Variants in REDIC1 observed in about 807,000 individuals in gnomAD.
REDIC1 encodes regulator of DNA class I crossover intermediates 1.
chr12:39,765,935 T>A, the REDIC1 span, among the ~76,000 whole-genome samples: 1 of 152,216 alleles, frequency 6.6e-6, no homozygotes, highest in South Asian at 2.1e-4. Context: ...TGTCCATGTG[T>A]TCTCATTGTT....
At chr12:39,712,167 T>C in the REDIC1 span, among the ~76,000 whole-genome samples, 4 of 143,860 alleles carry the variant, frequency 2.8e-5, no homozygotes, top group Non-Finnish European at 4.6e-5. Context: ...TATATGTACA[T>C]GTATATATAC....
the REDIC1 span, among the ~76,000 whole-genome samples, chr12:39,783,567 C>G: frequency 6.6e-6 from 1 of 152,210 alleles, no homozygotes; most frequent in Non-Finnish European, 1.5e-5. Context: ...GCCATTCTAA[C>G]TGGTGAGAGA....
At chr12:39,633,990 G>A in the REDIC1 span, among the ~76,000 whole-genome samples, 10,566 of 152,070 alleles carry the variant, frequency 0.069, 1,290 homozygotes, top group African/African-American at 0.24. Context: ...AGCTTGAGGG[G>A]GATAGCACTG....
At chr12:39,888,282 T>A in the REDIC1 span, among the ~76,000 whole-genome samples, 4 of 152,164 alleles carry the variant, frequency 2.6e-5, no homozygotes, top group Admixed American at 2.6e-4. Flanking sequence ...TGGAGTGCAG[T>A]GGTGTGATCT....
At chr12:39,849,839 G>T in the REDIC1 span, among the ~76,000 whole-genome samples, 1 of 151,762 alleles carries the variant, frequency 6.6e-6, no homozygotes, top group East Asian at 1.9e-4. Context: ...GCATTATATG[G>T]CTACTCCCTT....
chr12:39,722,762 C>T, the REDIC1 span, among the ~76,000 whole-genome samples: 2 of 152,106 alleles, frequency 1.3e-5, no homozygotes, highest in Non-Finnish European at 2.9e-5. Context: ...CTTACAGTGA[C>T]AGCAGAGTAA....
the REDIC1 span, among the ~76,000 whole-genome samples, chr12:39,706,109 C>A: frequency 6.6e-6 from 1 of 151,868 alleles, no homozygotes; most frequent in Admixed American, 6.6e-5. Flanking sequence ...TTGATAAAAT[C>A]AAAAAAGTTG....
the REDIC1 span, among the ~76,000 whole-genome samples, chr12:39,812,996 A>ATTTTTTTTTTTTTTTTTTT: frequency 3.2e-4 from 13 of 40,616 alleles, 4 homozygotes; most frequent in South Asian, 1.9e-3. Context: ...TGCCCAGCTA[A>ATTTTTTTTTTTTTTTTTTT]TTTTTTTTTT....
chr12:39,901,214 G>A, the REDIC1 span, among the ~76,000 whole-genome samples: 13 of 152,134 alleles, frequency 8.5e-5, no homozygotes, highest in African/African-American at 2.9e-4. Flanking sequence ...AGACTTAAAC[G>A]TTAGACCTGA....
At chr12:39,762,812 C>T in the REDIC1 span, among the ~76,000 whole-genome samples, 3 of 151,940 alleles carry the variant, frequency 2.0e-5, no homozygotes, top group African/African-American at 7.2e-5. Context: ...CCAAATGGAC[C>T]AGTGCTCTGA....
the REDIC1 span, chr12:39,758,957 A>G: frequency 1.3e-5 from 2 of 152,374 alleles, no homozygotes; most frequent in Non-Finnish European, 2.9e-5. Context: ...CATTATTTTT[A>G]TTAAACAAAC....
the REDIC1 span, among the ~76,000 whole-genome samples, chr12:39,897,500 C>G: frequency 6.6e-6 from 1 of 152,172 alleles, no homozygotes; most frequent in Non-Finnish European, 1.5e-5. Context: ...ACTACAACTT[C>G]TAATTCAAAG....
the REDIC1 span, among the ~76,000 whole-genome samples, chr12:39,896,576 G>GTA: frequency 0.29 from 28,252 of 97,526 alleles, 3,031 homozygotes; most frequent in East Asian, 0.46. Context: ...ATGTATGTAT[G>GTA]TGTGTATATA....
the REDIC1 span, among the ~76,000 whole-genome samples, chr12:39,790,300 G>A: frequency 2.7e-5 from 4 of 149,286 alleles, no homozygotes; most frequent in East Asian, 4.0e-4. Flanking sequence ...TACATGTGCT[G>A]TGCTGGTGCG....
the REDIC1 span, chr12:39,757,145 C>T: frequency 6.6e-6 from 1 of 151,744 alleles, no homozygotes; most frequent in African/African-American, 2.4e-5. Context: ...GATATATCCT[C>T]TTAAGTCTAG....
chr12:39,895,766 ACAT>A, the REDIC1 span, among the ~76,000 whole-genome samples: 2 of 68,026 alleles, frequency 2.9e-5, 1 homozygote, highest in East Asian at 6.4e-4. Context: ...ATACGTACAC[ACAT>A]GTATATGCGT....
chr12:39,655,391 G>A, the REDIC1 span, among the ~76,000 whole-genome samples: 1 of 152,088 alleles, frequency 6.6e-6, no homozygotes, highest in East Asian at 1.9e-4. Context: ...TGTTTAAACA[G>A]CTAGACCTAA....
At chr12:39,738,265 G>A in the REDIC1 span, among the ~76,000 whole-genome samples, 1 of 152,182 alleles carries the variant, frequency 6.6e-6, no homozygotes, top group East Asian at 1.9e-4. Flanking sequence ...TAACTCTGTT[G>A]CCTGCTCTTG....
At chr12:39,836,231 G>A in the REDIC1 span, among the ~76,000 whole-genome samples, 46 of 152,098 alleles carry the variant, frequency 3.0e-4, no homozygotes, top group African/African-American at 1.1e-3. Flanking sequence ...TTAGACAATA[G>A]CCAATGATGC....
Sources: allele counts gnomAD v4.1 joint callset (sites outside exome capture counted in the v4.1 genomes callset), GRCh38; gene constraint gnomAD v4.1.1; transcripts MANE v1.5; gene names NCBI Gene and HGNC (gene_info 2026-07-23, HGNC 2026-07-21).